The following INTS2 variants were observed in gnomAD, a reference collection of about 807,000 sequenced individuals.
INTS2 encodes the protein KIAA1287.
INTS2 carries 57 observed loss-of-function variants against 139.6 expected under a neutral mutation model. That is an observed-to-expected ratio of 0.41 (90% CI 0.33 to 0.51). The LOEUF (loss-of-function observed/expected upper bound fraction) is 0.51, where lower values mean the gene tolerates loss of function less well. Among genes scored for constraint, INTS2 ranks in the 20% least tolerant of loss-of-function variants. The pLI is 0.28. For synonymous variants in INTS2, 473 were observed against 493.4 expected (o/e 0.96, Z 0.55); for missense variants, 1,196 against 1,436.7 (o/e 0.83, Z 2.71).
chr17:61,910,745 C>T (rs1316568233), intron 7 of INTS2: 1 of 151,922 alleles, frequency 6.6e-6, no homozygotes, highest in Non-Finnish European at 1.5e-5. Flanking sequence ...CATATATACA[C>T]ATATGTATTA....
intron 16 of INTS2, among the ~76,000 whole-genome samples, 191 bp downstream of exon 16, chr17:61,884,710 G>T (rs958322862): frequency 1.3e-5 from 2 of 152,094 alleles, no homozygotes; most frequent in Non-Finnish European, 2.9e-5. Flanking sequence ...AAAATAGCTA[G>T]GGTTGCGTTT....
At chr17:61,902,107 T>A (rs963540558) in intron 9 of INTS2, among the ~76,000 whole-genome samples, 1 of 152,208 alleles carries the variant, frequency 6.6e-6, no homozygotes, top group Non-Finnish European at 1.5e-5. Context: ...ACATTCTGAT[T>A]CCTGGTCCTT....
At position 61,871,933 on chromosome 17, in the gene INTS2, CAAAAAACAA is replaced by C. The variant is rs2079092035; in HGVS notation, c.2778+323_2778+331del. On this transcript the variant is annotated intron_variant, in intron 20 of 24. Transcript: ENST00000251334. The surrounding 1 kb of genome is among the most constrained non-coding windows in gnomAD (Gnocchi z 4.9). ...TGGGTGACAGGGCGAAACTCTGTCT[CAAAAAACAA>C]AAAAAACAAAAAAAATGTGCCGAAT... The C allele has an allele frequency of 6.2e-6, 1 of 161,708 alleles. No individual in the cohort carries two copies. The highest frequency in any genetic ancestry group is 1.3e-5 in the Non-Finnish European group (1 of 76,384). 10.0% of individuals were successfully genotyped at this position (161,708 alleles called of 1,614,324 possible).
intron 11 of INTS2, among the ~76,000 whole-genome samples, chr17:61,896,257 A>AC (rs1567903412): frequency 4.0e-5 from 6 of 151,332 alleles, no homozygotes; most frequent in Non-Finnish European, 8.8e-5. Context: ...AAAAACAAAA[A>AC]AAAAACATTT....
intron 14 of INTS2, among the ~76,000 whole-genome samples, chr17:61,890,821 T>C (rs1352704822): frequency 6.7e-6 from 1 of 150,056 alleles, no homozygotes. Flanking sequence ...CCCAGCACTT[T>C]GGGAGGCCAA....
chr17:61,868,735 T>C lies in INTS2; in HGVS notation c.3244+299A>G, dbSNP rs1294147922. ...TACAATTACATTCTGAAAGTGTATT[T>C]GTTTTCCATTTATAAAATACAGAAA... On this transcript the variant is annotated intron_variant, in intron 23 of 24. Coordinates refer to ENST00000251334, the MANE Select transcript of INTS2 (RefSeq NM_001351695.2). This position sits in a 1 kb window ranked among gnomAD's most constrained non-coding sequence, Gnocchi z 4.7. Among the ~76,000 whole-genome samples the C allele has an allele frequency of 6.6e-6, 1 of 152,198 alleles. No homozygotes were observed. Among genetic ancestry groups the C allele is most frequent in the Non-Finnish European group, 1.5e-5 (1 of 68,000 alleles).
intron 9 of INTS2, among the ~76,000 whole-genome samples, chr17:61,899,754 A>T (rs561747083): frequency 5.7e-4 from 86 of 152,068 alleles, no homozygotes; most frequent in Non-Finnish European, 9.0e-4. Context: ...CTACAAAAAA[A>T]TTTAAAAATT....
At chr17:61,900,416 T>C (rs1166413967) in intron 9 of INTS2, among the ~76,000 whole-genome samples, 1 of 152,170 alleles carries the variant, frequency 6.6e-6, no homozygotes, top group Non-Finnish European at 1.5e-5. Flanking sequence ...TGCATCTGAA[T>C]TAAGGGACAA....
chr17:61,885,563 G>A (rs1174172323), intron 15 of INTS2, among the ~76,000 whole-genome samples: 2 of 151,604 alleles, frequency 1.3e-5, no homozygotes, highest in African/African-American at 2.4e-5. Flanking sequence ...GGGATAACAG[G>A]CATCCACCAC....
intron 3 of INTS2, among the ~76,000 whole-genome samples, chr17:61,924,697 C>T (rs796772825): frequency 2.6e-5 from 4 of 152,038 alleles, no homozygotes; most frequent in African/African-American, 9.6e-5. Context: ...GGCGTGGTGG[C>T]GGGCACCTGT....
chr17:61,905,043 C>T (rs780599043), intron 8 of INTS2, among the ~76,000 whole-genome samples: 1 of 150,726 alleles, frequency 6.6e-6, no homozygotes, highest in Non-Finnish European at 1.5e-5. Context: ...ACCTTCCAGG[C>T]TCAGGTAATC....
chr17:61,913,495 G>C (rs1405688958), intron 5 of INTS2, among the ~76,000 whole-genome samples: 1 of 151,660 alleles, frequency 6.6e-6, no homozygotes. Flanking sequence ...TTTTCCTAGA[G>C]ATGGGATCTT....
intron 8 of INTS2, 27 bp from the exon 9 acceptor site, chr17:61,904,612 T>C (rs756261920): frequency 6.4e-7 from 1 of 1,551,746 alleles, no homozygotes; most frequent in South Asian, 1.2e-5. Context: ...CATTAGGCTT[T>C]ACATTTTTAG....
Position 61,911,960 on chromosome 17 carries a change from G to A in INTS2, c.760C>T (p.Leu254Phe), listed in dbSNP as rs1250096805. Residue 254 changes from leucine to phenylalanine, a missense_variant, in exon 6 of 25, where the codon CTC (leucine) becomes TTC (phenylalanine). By Grantham distance (22) the Leu-to-Phe change is conservative. Transcript: ENST00000251334. ...FLCKMNPSQA[L>F]KVRGMVVEEC... ...CTTACCACCATGCCTCGGACCTTGA[G>A]GGCCTGAGAAGGATTCATTTTACAC... 22 of 1,613,220 alleles carry A rather than the reference G, an allele frequency of 1.4e-5. No individual in the cohort carries two copies. Among genetic ancestry groups the A allele is most frequent in the Non-Finnish European group, 1.7e-5 (20 of 1,179,732 alleles).
At chr17:61,890,246 TA>T (rs1295447625) in intron 14 of INTS2, among the ~76,000 whole-genome samples, 1 of 152,180 alleles carries the variant, frequency 6.6e-6, no homozygotes, top group Non-Finnish European at 1.5e-5. Context: ...ATTGTATACT[TA>T]AATATATTTG....
chr17:61,908,048 A>G (rs1298878050), intron 7 of INTS2, among the ~76,000 whole-genome samples: 1 of 152,146 alleles, frequency 6.6e-6, no homozygotes, highest in Non-Finnish European at 1.5e-5. Context: ...GCCTCTCTGA[A>G]CCCCAATTTC....
intron 8 of INTS2, 107 bp from the exon 9 acceptor site, chr17:61,904,692 T>C: frequency 1.1e-6 from 1 of 926,022 alleles, no homozygotes; most frequent in South Asian, 1.9e-5. Context: ...AATGGTATCT[T>C]GCTATTTATA....
intron 5 of INTS2, among the ~76,000 whole-genome samples, chr17:61,915,261 T>C (rs2079568459): frequency 6.7e-6 from 1 of 150,366 alleles, no homozygotes; most frequent in Non-Finnish European, 1.5e-5. Flanking sequence ...TCGCTTGAAC[T>C]GGGGAGGCAG....
intron 15 of INTS2, chr17:61,885,371 T>C: frequency 5.2e-6 from 1 of 191,398 alleles, no homozygotes; most frequent in Non-Finnish European, 1.0e-5. Flanking sequence ...GCCTAGAGCT[T>C]CATGATTCCA....
Sources: gnomAD v4.1 joint callset for allele counts (sites outside exome capture counted in the v4.1 genomes callset) on GRCh38, gnomAD v4.1.1 for gene constraint, Gnocchi (gnomAD v3.1) non-coding constraint, MANE v1.5 for transcripts, NCBI Gene and HGNC (gene_info 2026-07-23, HGNC 2026-07-21) for gene names.